Variants in GABPB2 observed in about 807,000 individuals in gnomAD.
The protein encoded by GABPB2 is GA binding protein transcription factor subunit beta 2, also known as GA-binding protein subunit beta-2.
GABPB2 carries 23 observed loss-of-function variants against 39.1 expected under a neutral mutation model. That is an observed-to-expected ratio of 0.59 (90% confidence interval 0.42 to 0.83). The LOEUF is 0.83. Ranked by LOEUF, GABPB2 falls within the 40% of genes least tolerant of loss-of-function variation. The pLI, the probability that GABPB2 is intolerant of heterozygous loss-of-function variation, is 0.00. For missense variants in GABPB2, 467 were observed against 541.1 expected (o/e 0.86, Z 1.36); for synonymous variants, 184 against 199.3 (o/e 0.92, Z 0.65).
chr1:151,119,036 T>TGTG lies in GABPB2; in HGVS notation c.*785_*787dup, dbSNP rs887878362. On this transcript the variant is annotated 3_prime_UTR_variant, in exon 9 of 9. Coordinates refer to ENST00000368918, the MANE Select transcript of GABPB2 (RefSeq NM_144618.3). ...GTGTAAGAAACTGAAATAAGCTGCG[T>TGTG]GTGGTGGCTCACACCTGTAATCCCA... 1.3e-5 allele frequency: 2 copies of TGTG among 152,186 alleles called. No individual in the cohort carries two copies. The highest frequency in any genetic ancestry group is 4.8e-5 in the African/African-American group (2 of 41,438). The allele number at this position is 152,186 out of a possible 1,614,324, so 9.4% of individuals were successfully genotyped here.
chr1:151,102,242 A>C (rs1246259049), intron 5 of GABPB2, among the ~76,000 whole-genome samples: 1 of 152,140 alleles, frequency 6.6e-6, no homozygotes, highest in Non-Finnish European at 1.5e-5. Context: ...AAGCGCTTGA[A>C]TCCGGGAGGC....
chr1:151,095,155 C>T (rs1679014182), intron 4 of GABPB2, among the ~76,000 whole-genome samples: 1 of 151,656 alleles, frequency 6.6e-6, no homozygotes, highest in South Asian at 2.1e-4. Context: ...GGAATCTGAA[C>T]TGAATATTGA....
At chr1:151,115,828 C>T (rs1680823318) in intron 7 of GABPB2, among the ~76,000 whole-genome samples, 1 of 152,154 alleles carries the variant, frequency 6.6e-6, no homozygotes, top group African/African-American at 2.4e-5. Context: ...TTTAGCCCGG[C>T]ACAGTGGCTC....
chr1:151,086,696 C>G (rs1678227105), intron 1 of GABPB2, among the ~76,000 whole-genome samples: 1 of 150,178 alleles, frequency 6.7e-6, no homozygotes, highest in African/African-American at 2.5e-5. Context: ...GAGTCAAGAT[C>G]TGGCTCTGTT....
Position 151,103,659 on chromosome 1 carries a change from C to T in GABPB2, c.720C>T (p.Asn240=). 1 of 1,612,876 alleles carries T rather than the reference C, an allele frequency of 6.2e-7. No individual in the cohort carries two copies. Among genetic ancestry groups the T allele is most frequent in the African/African-American group, 1.3e-5 (1 of 75,030 alleles). Residue 240 remains asparagine, a synonymous_variant, in exon 6 of 9, where the codon AAC becomes AAT. Coordinates refer to ENST00000368918, the MANE Select transcript of GABPB2 (RefSeq NM_144618.3). ...ALAEASVPLS[N]SHRATANTEE... is the part of the protein sequence containing the mutation. ...CTGAGGCATCAGTCCCCCTCTCCAA[C>T]TCACACAGAGCCACAGGTAGGTAAG...
intron 1 of GABPB2, among the ~76,000 whole-genome samples, chr1:151,086,340 A>T (rs947272279): frequency 6.6e-6 from 1 of 152,146 alleles, no homozygotes; most frequent in Admixed American, 6.6e-5. Flanking sequence ...ACAATTAATA[A>T]TTTTTGCTGT....
intron 7 of GABPB2, among the ~76,000 whole-genome samples, chr1:151,114,377 T>C (rs1393174657): frequency 6.6e-6 from 1 of 151,698 alleles, no homozygotes; most frequent in Non-Finnish European, 1.5e-5. Flanking sequence ...TAAAGCATTA[T>C]GAACACCATA....
At chr1:151,113,155 C>T (rs1680596126) in intron 7 of GABPB2, among the ~76,000 whole-genome samples, 2 of 151,902 alleles carry the variant, frequency 1.3e-5, no homozygotes, top group South Asian at 4.2e-4. Flanking sequence ...TCAAGCTTTC[C>T]TCCCACTTTG....
At chr1:151,093,930 G>T (rs1678905385) in intron 4 of GABPB2, among the ~76,000 whole-genome samples, 1 of 150,452 alleles carries the variant, frequency 6.6e-6, no homozygotes. Flanking sequence ...TGGCAAAGTT[G>T]AAAAATTGTA....
In GABPB2 at chr1:151,119,559, G is replaced by A. The variant is rs1475225980; in HGVS notation, c.*1303G>A. ...TTAAGATCATCCTGGCCAACATGGT[G>A]ACACCCCGTCTCTACTAAAAATACA... is the stretch of plus-strand genomic sequence containing the variant. On this transcript the variant is annotated 3_prime_UTR_variant, in exon 9 of 9. Coordinates refer to ENST00000368918, the MANE Select transcript of GABPB2 (RefSeq NM_144618.3). 6.6e-6 allele frequency: 1 copy of A among 152,212 alleles called. No individual in the cohort carries two copies. Among genetic ancestry groups the A allele is most frequent in the Admixed American group, 6.6e-5 (1 of 15,266 alleles). The allele number at this position is 152,212 out of a possible 1,614,324, so 9.4% of individuals were successfully genotyped here.
At chr1:151,100,790 G>C (rs1679457150) in intron 5 of GABPB2, among the ~76,000 whole-genome samples, 1 of 151,116 alleles carries the variant, frequency 6.6e-6, no homozygotes, top group Non-Finnish European at 1.5e-5. Context: ...GTTTCACCAT[G>C]TTGGCCAGGC....
rs587699074 is a variant in GABPB2, at chr1:151,083,552, G to A, written c.1-4638G>A. Among the ~76,000 whole-genome samples, 3 of 151,988 alleles carry A rather than the reference G, an allele frequency of 2.0e-5. No homozygotes were observed. In the South Asian group the frequency reaches 6.2e-4, roughly 32 times the overall value. The stretch of plus-strand genomic sequence containing the variant: ...GGAAGGCTGAGGCAGAGAATTGCTT[G>A]AACCCAGGCAGCAGAGGTTGGCAGT... On this transcript the variant is annotated intron_variant, in intron 1 of 8. Transcript: ENST00000368918.
chr1:151,104,600 A>G lies in GABPB2; in HGVS notation c.736+925A>G, dbSNP rs587720577. Among the ~76,000 whole-genome samples, 7 of 152,266 alleles carry G rather than the reference A, an allele frequency of 4.6e-5. No individual in the cohort carries two copies. The East Asian group carries it at 9.7e-4, about 21-fold the overall frequency. Reference sequence around the variant, plus strand: ...TTCTAGTTTTCTCATCTTTGGCATGATGGTTGGATTAGGTTATCTATCCAG... The same window carrying G: ...TTCTAGTTTTCTCATCTTTGGCATGGTGGTTGGATTAGGTTATCTATCCAG... On this transcript the variant is annotated intron_variant, in intron 6 of 8. Coordinates refer to ENST00000368918, the MANE Select transcript of GABPB2 (RefSeq NM_144618.3).
chr1:151,072,356 G>A (rs114469183), intron 1 of GABPB2, among the ~76,000 whole-genome samples: 6,377 of 152,028 alleles, frequency 0.042, 208 homozygotes, highest in Non-Finnish European at 0.062. Context: ...AGACCAGCCT[G>A]GGCGAAATAG....
chr1:151,078,272 GAAA>G (rs749005394), intron 1 of GABPB2, among the ~76,000 whole-genome samples: 4 of 95,202 alleles, frequency 4.2e-5, no homozygotes, highest in Non-Finnish European at 2.1e-5. Context: ...ACTTCAACTC[GAAA>G]AAAAAAAAAA....
At chr1:151,102,737 C>T (rs1022737434) in intron 5 of GABPB2, among the ~76,000 whole-genome samples, 1 of 152,124 alleles carries the variant, frequency 6.6e-6, no homozygotes, top group East Asian at 1.9e-4. Context: ...CCACAGCATC[C>T]GGCCATGAAA....
intron 1 of GABPB2, among the ~76,000 whole-genome samples, chr1:151,080,024 G>A (rs1677517851): frequency 6.6e-6 from 1 of 151,812 alleles, no homozygotes; most frequent in South Asian, 2.1e-4. Flanking sequence ...AGACCAGCCT[G>A]GCCAAGGTGG....
At chr1:151,109,153 C>T (rs2101553489) in intron 7 of GABPB2, among the ~76,000 whole-genome samples, 1 of 151,938 alleles carries the variant, frequency 6.6e-6, no homozygotes, top group South Asian at 2.1e-4. Flanking sequence ...ATAATCATGC[C>T]ACTGCACTCC....
At position 151,115,312 on chromosome 1, in the gene GABPB2, C is replaced by T. The variant is rs147918075; in HGVS notation, c.923-2080C>T. ...GGCAGAGGTTGCGGTGAGCCGAGAT[C>T]GCGCCATTGCACTCCAGCCTGAATA... On this transcript the variant is annotated intron_variant, in intron 7 of 8. Coordinates refer to ENST00000368918, the MANE Select transcript of GABPB2 (RefSeq NM_144618.3). 7.6e-3 allele frequency among the ~76,000 whole-genome samples: 1,160 copies of T among 151,776 alleles called. 12 individuals carry two copies. The highest frequency in any genetic ancestry group is 0.024 in the African/African-American group (998 of 41,424).
Sources: gnomAD v4.1 joint callset for allele counts (sites outside exome capture counted in the v4.1 genomes callset) on GRCh38, gnomAD v4.1.1 for gene constraint, MANE v1.5 for transcripts, NCBI Gene and HGNC (gene_info 2026-07-23, HGNC 2026-07-21) for gene names.